The following CTNNA3 variants were observed in gnomAD, a reference collection of about 807,000 sequenced individuals.
CTNNA3 encodes catenin alpha-3.
A neutral mutation model predicts 95.7 loss-of-function variants in CTNNA3; 76 were observed. The observed-to-expected ratio is 0.79, with a 90% confidence interval of 0.66 to 0.96. The LOEUF is 0.96. Ranked by LOEUF, CTNNA3 falls within the 40% of genes least tolerant of loss-of-function variation. CTNNA3 has a pLI of 0.00. For missense variants in CTNNA3, 1,191 were observed against 1,089.8 expected (o/e 1.09, Z -1.31); for synonymous variants, 431 against 374.4 (o/e 1.15, Z -1.74).
intron 13 of CTNNA3, among the ~76,000 whole-genome samples, chr10:66,139,072 A>C (rs2083483690): frequency 6.6e-6 from 1 of 152,074 alleles, no homozygotes; most frequent in Non-Finnish European, 1.5e-5. Flanking sequence ...TTTTCTCCTG[A>C]CTCAATGAAG....
At chr10:66,916,730 G>A (rs1272699329) in intron 7 of CTNNA3, among the ~76,000 whole-genome samples, 2 of 152,228 alleles carry the variant, frequency 1.3e-5, no homozygotes, top group African/African-American at 4.8e-5. Flanking sequence ...TAAGGAAGAG[G>A]TAAGGAGGTG....
chr10:67,726,460 TA>T (rs1841222556), intron 1 of CTNNA3, among the ~76,000 whole-genome samples: 1 of 38,358 alleles, frequency 2.6e-5, no homozygotes, highest in East Asian at 1.2e-3. Context: ...TTATATATGA[TA>T]TATGATATAA....
intron 7 of CTNNA3, among the ~76,000 whole-genome samples, chr10:66,988,608 T>C (rs1850862949): frequency 6.6e-6 from 1 of 152,176 alleles, no homozygotes; most frequent in Non-Finnish European, 1.5e-5. Context: ...GAAGCTGATA[T>C]TTTTGTTTGA....
At chr10:67,250,752 T>A (rs1335306744) in intron 5 of CTNNA3, among the ~76,000 whole-genome samples, 1 of 152,096 alleles carries the variant, frequency 6.6e-6, no homozygotes, top group Non-Finnish European at 1.5e-5. Flanking sequence ...ATCAGAGAAA[T>A]GCAAATAAAA....
intron 9 of CTNNA3, among the ~76,000 whole-genome samples, chr10:66,745,675 C>T (rs1838835250): frequency 6.8e-6 from 1 of 147,954 alleles, no homozygotes; most frequent in Admixed American, 6.7e-5. Flanking sequence ...CTGCAAGCTC[C>T]ACCTCCTGGG....
chr10:66,772,503 C>A (rs974190766), intron 8 of CTNNA3, among the ~76,000 whole-genome samples: 5 of 150,386 alleles, frequency 3.3e-5, no homozygotes, highest in Admixed American at 3.3e-4. Flanking sequence ...CACAACACTG[C>A]GAAGGAGAGC....
chr10:66,137,363 A>G (rs1288065838), intron 13 of CTNNA3, among the ~76,000 whole-genome samples: 1 of 152,168 alleles, frequency 6.6e-6, no homozygotes, highest in Non-Finnish European at 1.5e-5. Context: ...AATCTTCAAA[A>G]TTATAAATGT....
chr10:66,915,525 G>A (rs1049342973), intron 7 of CTNNA3, among the ~76,000 whole-genome samples: 2 of 151,718 alleles, frequency 1.3e-5, no homozygotes, highest in Non-Finnish European at 2.9e-5. Context: ...AAAATGAGTG[G>A]TAAACTAAGA....
intron 12 of CTNNA3, among the ~76,000 whole-genome samples, chr10:66,340,378 C>CT (rs1644643128): frequency 6.6e-6 from 1 of 151,750 alleles, no homozygotes; most frequent in African/African-American, 2.4e-5. Flanking sequence ...CAGCTAATCC[C>CT]TTGGGTGGTT....
At chr10:66,664,729 T>C (rs1393329858) in intron 9 of CTNNA3, among the ~76,000 whole-genome samples, 1 of 151,746 alleles carries the variant, frequency 6.6e-6, no homozygotes. Flanking sequence ...AAAAATCCCA[T>C]GGGAAAAAAA....
chr10:66,498,048 A>T (rs1004351160), intron 11 of CTNNA3, among the ~76,000 whole-genome samples: 3 of 151,926 alleles, frequency 2.0e-5, no homozygotes, highest in Non-Finnish European at 2.9e-5. Flanking sequence ...TGTCACTGAG[A>T]TTTTTTTTAA....
chr10:66,898,869 A>G (rs1246431256), intron 7 of CTNNA3, among the ~76,000 whole-genome samples: 1 of 152,226 alleles, frequency 6.6e-6, no homozygotes, highest in Non-Finnish European at 1.5e-5. Flanking sequence ...GACTGGGACT[A>G]CATCAGGCTT....
intron 11 of CTNNA3, among the ~76,000 whole-genome samples, chr10:66,396,901 A>C (rs999381428): frequency 6.6e-6 from 1 of 151,870 alleles, no homozygotes. Context: ...CACAAATAAT[A>C]ACTTTATTTA....
chr10:66,312,540 A>G (rs774340196), intron 12 of CTNNA3, among the ~76,000 whole-genome samples: 26 of 141,974 alleles, frequency 1.8e-4, no homozygotes, highest in Admixed American at 1.2e-3. Flanking sequence ...CTCTGAGTCC[A>G]TGGATTGCAG....
At chr10:67,301,831 T>G (rs977221029) in intron 5 of CTNNA3, among the ~76,000 whole-genome samples, 18 of 150,776 alleles carry the variant, frequency 1.2e-4, no homozygotes, top group Admixed American at 1.1e-3. Flanking sequence ...TAGCTGGGGG[T>G]GGTGGTGGGC....
At chr10:67,543,992 A>G (rs576138336) in intron 3 of CTNNA3, among the ~76,000 whole-genome samples, 1 of 152,330 alleles carries the variant, frequency 6.6e-6, no homozygotes, top group Non-Finnish European at 1.5e-5. Flanking sequence ...CAGTTTGACT[A>G]CTAGGAGCAA....
At chr10:66,803,773 T>G (rs1841527756) in intron 7 of CTNNA3, among the ~76,000 whole-genome samples, 1 of 152,074 alleles carries the variant, frequency 6.6e-6, no homozygotes, top group Admixed American at 6.6e-5. Flanking sequence ...AGCTTTTAAT[T>G]TTCAGCTCTT....
At chr10:66,945,624 A>G (rs1407919021) in intron 7 of CTNNA3, among the ~76,000 whole-genome samples, 1 of 152,140 alleles carries the variant, frequency 6.6e-6, no homozygotes, top group Non-Finnish European at 1.5e-5. Flanking sequence ...TTTCCTTTGC[A>G]CTAACAACTT....
chr10:66,637,721 G>A (rs893084269), intron 9 of CTNNA3, among the ~76,000 whole-genome samples: 10 of 152,114 alleles, frequency 6.6e-5, no homozygotes, highest in Non-Finnish European at 1.5e-4. Flanking sequence ...CCTCCCCCTT[G>A]GGACACAGAG....
Sources: allele counts gnomAD v4.1 joint callset (sites outside exome capture counted in the v4.1 genomes callset), GRCh38; gene constraint gnomAD v4.1.1; transcripts MANE v1.5; gene names NCBI Gene and HGNC (gene_info 2026-07-23, HGNC 2026-07-21).